Variants in MAML3 observed in about 807,000 individuals in gnomAD.
MAML3 encodes mastermind-like protein 3.
In MAML3, 27 loss-of-function variants were observed where a neutral mutation model predicts 101.9. That is an observed-to-expected ratio of 0.27 (90% CI 0.20 to 0.37). MAML3 has a LOEUF of 0.37. MAML3 is among the 10% of genes least tolerant of loss of function. MAML3 has a pLI of 1.00. For synonymous variants in MAML3, 501 were observed against 555.9 expected (o/e 0.90, Z 1.39); for missense variants, 1,316 against 1,444.9 (o/e 0.91, Z 1.45).
intron 2 of MAML3, among the ~76,000 whole-genome samples, chr4:139,861,073 T>C (rs886695393): frequency 3.9e-5 from 6 of 152,120 alleles, no homozygotes; most frequent in Non-Finnish European, 8.8e-5. Context: ...AGACCTTCCT[T>C]TTCCCTGGCA....
intron 1 of MAML3, among the ~76,000 whole-genome samples, chr4:139,895,540 C>G (rs1388780183): frequency 2.6e-5 from 4 of 152,124 alleles, no homozygotes; most frequent in Non-Finnish European, 5.9e-5. Flanking sequence ...CACCTGATAC[C>G]AGTAAACACC....
At chr4:140,044,124 A>G (rs532056972) in intron 1 of MAML3, among the ~76,000 whole-genome samples, 2 of 104,908 alleles carry the variant, frequency 1.9e-5, no homozygotes, top group African/African-American at 5.1e-5. Flanking sequence ...TATAAGAAAG[A>G]AAGAAAAAAA....
At chr4:139,880,588 T>C (rs1021229244) in intron 2 of MAML3, among the ~76,000 whole-genome samples, 1 of 152,148 alleles carries the variant, frequency 6.6e-6, no homozygotes, top group South Asian at 2.1e-4. Flanking sequence ...AATCACAAAA[T>C]CTTCTTCCAA....
intron 1 of MAML3, among the ~76,000 whole-genome samples, chr4:140,121,434 A>C (rs1253052085): frequency 6.6e-6 from 1 of 152,212 alleles, no homozygotes; most frequent in Non-Finnish European, 1.5e-5. Context: ...TTCTACAATC[A>C]ATCAGAAATG....
chr4:140,097,865 C>T (rs949569588), intron 1 of MAML3, among the ~76,000 whole-genome samples: 3 of 152,162 alleles, frequency 2.0e-5, no homozygotes, highest in African/African-American at 7.2e-5. Flanking sequence ...CCAAATATTT[C>T]CAAACTGGCA....
intron 2 of MAML3, among the ~76,000 whole-genome samples, chr4:139,836,882 G>A (rs1731262813): frequency 6.6e-6 from 1 of 152,098 alleles, no homozygotes; most frequent in South Asian, 2.1e-4. Flanking sequence ...CAGCACTTTG[G>A]GAGGCCAAGG....
chr4:139,906,806 T>G (rs983875960), intron 1 of MAML3, among the ~76,000 whole-genome samples: 1 of 152,242 alleles, frequency 6.6e-6, no homozygotes, highest in Non-Finnish European at 1.5e-5. Flanking sequence ...TACCTACTTT[T>G]GCATGGTTAT....
intron 1 of MAML3, among the ~76,000 whole-genome samples, chr4:139,895,084 G>A (rs1732583853): frequency 6.6e-6 from 1 of 152,216 alleles, no homozygotes; most frequent in Non-Finnish European, 1.5e-5. Context: ...CTGTAAAATG[G>A]TGGTGGCCAA....
At chr4:139,948,407 A>C (rs992545090) in intron 1 of MAML3, among the ~76,000 whole-genome samples, 2 of 152,248 alleles carry the variant, frequency 1.3e-5, no homozygotes, top group Non-Finnish European at 2.9e-5. Flanking sequence ...GACCATGGCC[A>C]TTGCCACATC....
intron 1 of MAML3, 62 bp downstream of exon 1, chr4:140,152,798 G>T: frequency 6.4e-7 from 1 of 1,555,826 alleles, no homozygotes; most frequent in Non-Finnish European, 8.7e-7. Context: ...AGCTCCACGC[G>T]CCCCCCACCA....
At chr4:140,081,429 G>A (rs553725005) in intron 1 of MAML3, among the ~76,000 whole-genome samples, 28 of 152,154 alleles carry the variant, frequency 1.8e-4, no homozygotes, top group South Asian at 6.2e-4. Context: ...TACCAATATC[G>A]TGCTTACTGA....
At chr4:140,143,314 A>G (rs1424959382) in intron 1 of MAML3, among the ~76,000 whole-genome samples, 5 of 152,180 alleles carry the variant, frequency 3.3e-5, no homozygotes, top group Non-Finnish European at 4.4e-5. Flanking sequence ...TAAGCCTCAA[A>G]TCACTCAACT....
At chr4:139,990,003 A>G (rs1734634274) in intron 1 of MAML3, among the ~76,000 whole-genome samples, 1 of 152,182 alleles carries the variant, frequency 6.6e-6, no homozygotes, top group South Asian at 2.1e-4. Flanking sequence ...GAAAAAAATC[A>G]GGACTGTAAG....
At chr4:139,803,211 A>G (rs533788699) in intron 2 of MAML3, among the ~76,000 whole-genome samples, 174 of 152,312 alleles carry the variant, frequency 1.1e-3, no homozygotes, top group African/African-American at 4.1e-3. Context: ...AGCCAAGATC[A>G]TGTCACTGCA....
At chr4:139,732,352 G>A (rs1367019005) in intron 2 of MAML3, among the ~76,000 whole-genome samples, 1 of 152,104 alleles carries the variant, frequency 6.6e-6, no homozygotes, top group East Asian at 1.9e-4. Context: ...GTAGAACCAT[G>A]CAGGCTTCCC....
chr4:139,729,224 G>T (rs1208894820), intron 3 of MAML3, among the ~76,000 whole-genome samples: 1 of 150,922 alleles, frequency 6.6e-6, no homozygotes, highest in Non-Finnish European at 1.5e-5. Context: ...TTTTCTCTTT[G>T]GGGGATGCCT....
chr4:139,784,510 G>A lies in MAML3; in HGVS notation c.2080-53843C>T, dbSNP rs1262053457. On this transcript the variant is annotated intron_variant, in intron 2 of 4. Transcript: ENST00000509479. The stretch of plus-strand genomic sequence containing the variant: ...TCCCTGCTGTGATTGACTTCCACTT[G>A]CTAAAAATACTTCCCTATGGCCTCT... Among the ~76,000 whole-genome samples, 3 of 152,070 alleles carry A rather than the reference G, an allele frequency of 2.0e-5. No homozygotes were observed. The East Asian group carries it at 5.8e-4, about 29-fold the overall frequency.
chr4:139,939,866 G>A (rs1051198134), intron 1 of MAML3, among the ~76,000 whole-genome samples: 3 of 150,472 alleles, frequency 2.0e-5, no homozygotes, highest in African/African-American at 7.4e-5. Context: ...CTCGATTCAA[G>A]CGATTCTCCT....
Position 139,771,235 on chromosome 4 carries a change from T to C in MAML3, c.2080-40568A>G, listed in dbSNP as rs150742352. 1.9e-3 allele frequency among the ~76,000 whole-genome samples: 282 copies of C among 152,364 alleles called. 1 individual carries two copies. Among genetic ancestry groups the C allele is most frequent in the African/African-American group, 6.4e-3 (266 of 41,582 alleles). ...GAGAGGGTTTTGGGCAGCCATTGTA[T>C]AGACTGTACACTGTTCTGGGTCCAA... On this transcript the variant is annotated intron_variant, in intron 2 of 4. Transcript: ENST00000509479.
Sources: gnomAD v4.1 joint callset for allele counts (sites outside exome capture counted in the v4.1 genomes callset) on GRCh38, gnomAD v4.1.1 for gene constraint, MANE v1.5 for transcripts, NCBI Gene and HGNC (gene_info 2026-07-23, HGNC 2026-07-21) for gene names.